The following SMARCAL1 variants were observed in gnomAD, a reference collection of about 807,000 sequenced individuals.
SMARCAL1 encodes the protein ATP-driven annealing helicase.
SMARCAL1 carries 58 observed loss-of-function variants against 94.5 expected under a neutral mutation model. The observed-to-expected ratio is 0.61, with a 90% CI of 0.50 to 0.76. The LOEUF (loss-of-function observed/expected upper bound fraction) is 0.76, where lower values mean the gene tolerates loss of function less well. Ranked by LOEUF, SMARCAL1 falls within the 30% of genes least tolerant of loss-of-function variation. The pLI, the probability that SMARCAL1 is intolerant of heterozygous loss-of-function variation, is 0.00. For synonymous variants in SMARCAL1, 422 were observed against 455.1 expected, an observed-to-expected ratio of 0.93 and a Z score of 0.93; for missense variants, 1,051 against 1,177.9, an observed-to-expected ratio of 0.89 and a Z score of 1.58.
rs528042666 is a variant in SMARCAL1, at chr2:216,449,759, C to T, written c.1852-1087C>T. ...GACAAAGTAGCAGGCACACTGGCTC[C>T]CTGATTTTCTACTAGACTGTAGAAA... is the stretch of plus-strand genomic sequence containing the variant. On this transcript the variant is annotated intron_variant, in intron 11 of 17. Transcript: ENST00000357276. Among the ~76,000 whole-genome samples, 6 of 152,200 alleles carry T rather than the reference C, an allele frequency of 3.9e-5. 1 individual carries two copies. Among genetic ancestry groups the T allele is most frequent in the African/African-American group, 1.2e-4 (5 of 41,536 alleles).
intron 3 of SMARCAL1, 22 bp downstream of exon 3, chr2:216,415,537 T>TG: frequency 2.0e-6 from 3 of 1,483,816 alleles, no homozygotes; most frequent in Non-Finnish European, 2.7e-6. Context: ...ATTTTTCAGC[T>TG]GTTTTTTTTT....
At position 216,423,679 on chromosome 2, in the gene SMARCAL1, A is replaced by G; in HGVS notation, c.1143A>G (p.Lys381=). The G allele has an allele frequency of 6.2e-7, 1 of 1,612,700 alleles. No homozygotes were observed. The highest frequency in any genetic ancestry group is 8.5e-7 in the Non-Finnish European group (1 of 1,178,676). ...KWSFLLEEHS[K]LIAKVRCLPQ... ...GCTTTCTCTTGGAAGAGCACAGTAAACTAAGTGAGAAGCCTTCCTTACTTG... is the reference window on the plus strand; with the variant it reads ...GCTTTCTCTTGGAAGAGCACAGTAAGCTAAGTGAGAAGCCTTCCTTACTTG... Residue 381 remains lysine, a synonymous_variant, in exon 6 of 18, where the codon AAA becomes AAG. Transcript: ENST00000357276.
intron 5 of SMARCAL1, 90 bp downstream of exon 5, chr2:216,420,622 A>G (rs965950465): frequency 4.1e-5 from 41 of 1,006,178 alleles, no homozygotes; most frequent in Middle Eastern, 4.1e-4. Flanking sequence ...AATATTCAAA[A>G]ATTACTTTCT....
intron 14 of SMARCAL1, among the ~76,000 whole-genome samples, chr2:216,473,549 T>C (rs1180150599): frequency 1.3e-5 from 2 of 152,118 alleles, no homozygotes; most frequent in Non-Finnish European, 2.9e-5. Flanking sequence ...ATGCTGTTGC[T>C]GCATAATGAC....
intron 12 of SMARCAL1, among the ~76,000 whole-genome samples, chr2:216,456,239 G>A (rs553574324): frequency 5.9e-5 from 9 of 152,276 alleles, no homozygotes; most frequent in South Asian, 4.1e-4. Flanking sequence ...TGAAAGTGAC[G>A]GGGAGAATGG....
chr2:216,482,425 T>G lies in SMARCAL1; in HGVS notation c.2626-313T>G, dbSNP rs1161221742. On this transcript the variant is annotated intron_variant, in intron 17 of 17. Transcript: ENST00000357276. The surrounding 1 kb of genome is among the most constrained non-coding windows in gnomAD (Gnocchi z 4.3). The stretch of plus-strand genomic sequence containing the variant: ...GCTATTTCAGTATTGAAATAATGAT[T>G]TGGAAAGTTCAAAGGGAGAAAACAT... 6.6e-6 allele frequency among the ~76,000 whole-genome samples: 1 copy of G among 152,240 alleles called. No homozygotes were observed. Among genetic ancestry groups the G allele is most frequent in the Non-Finnish European group, 1.5e-5 (1 of 68,044 alleles).
At position 216,415,495 on chromosome 2, in the gene SMARCAL1, C is replaced by G; in HGVS notation, c.791C>G (p.Thr264Ser). Residue 264 changes from threonine to serine, a missense_variant, in exon 3 of 18, where the codon ACC becomes AGC. By Grantham distance (58) the Thr-to-Ser change is moderately conservative. Transcript: ENST00000357276. Reference protein sequence around the residue: ...YNAELIAVFKTLPSKNYDPDT... With the variant: ...YNAELIAVFKSLPSKNYDPDT... ...GCGGAACTCATTGCAGTGTTTAAGA[C>G]CCTGCCCAGCAAGAATTATGGTAAT... 1 of 1,613,140 alleles carries G rather than the reference C, an allele frequency of 6.2e-7. No homozygotes were observed. Among genetic ancestry groups the G allele is most frequent in the Non-Finnish European group, 8.5e-7 (1 of 1,179,762 alleles).
chr2:216,459,794 A>T (rs111343794), intron 12 of SMARCAL1, among the ~76,000 whole-genome samples: 1 of 151,010 alleles, frequency 6.6e-6, no homozygotes. Flanking sequence ...TCATGTCTAA[A>T]ACACCAAAAG....
intron 12 of SMARCAL1, among the ~76,000 whole-genome samples, chr2:216,454,734 C>T (rs1694524341): frequency 6.6e-6 from 1 of 152,136 alleles, no homozygotes; most frequent in Non-Finnish European, 1.5e-5. Context: ...TCCAAGATGG[C>T]CGAATAGGAA....
intron 9 of SMARCAL1, among the ~76,000 whole-genome samples, chr2:216,436,061 C>T (rs781089611): frequency 1.3e-5 from 2 of 152,160 alleles, no homozygotes; most frequent in Non-Finnish European, 1.5e-5. Flanking sequence ...CTCTGCCTCC[C>T]GGGTTCAAGC....
chr2:216,435,467 C>G lies in SMARCAL1; in HGVS notation c.1615C>G (p.Leu539Val), dbSNP rs1179487623. The G allele has an allele frequency of 6.2e-7, 1 of 1,614,126 alleles. No individual in the cohort carries two copies. The highest frequency in any genetic ancestry group is 1.3e-5 in the African/African-American group (1 of 75,020). ...FDLLSKLEKQ[L>V]KTPFKVVIID... ...CCTTCTTAGCAAGTTGGAAAAACAG[C>G]TAAAAACCCCTTTTAAAGTTGTCAT... Residue 539 changes from leucine to valine, a missense_variant, in exon 9 of 18, where the codon CTA becomes GTA. Transcript: ENST00000357276.
chr2:216,477,543 G>A (rs1399928203), intron 16 of SMARCAL1, among the ~76,000 whole-genome samples: 1 of 152,172 alleles, frequency 6.6e-6, no homozygotes, highest in Non-Finnish European at 1.5e-5. Flanking sequence ...CAGCTGTGAA[G>A]GCATTTGTTA....
rs1384402545 is a variant in SMARCAL1 at position 216,428,783 on chromosome 2, G to A, written c.1334+1G>A. 1.2e-6 allele frequency: 2 copies of A among 1,613,818 alleles called. No homozygotes were observed. Among genetic ancestry groups the A allele is most frequent in the East Asian group, 2.2e-5 (1 of 44,886 alleles). On this transcript the variant is annotated splice_donor_variant, in intron 7 of 17. Coordinates refer to ENST00000357276, the MANE Select transcript of SMARCAL1 (RefSeq NM_014140.4). LOFTEE classifies it high-confidence loss of function. Reference sequence around the variant, plus strand: ...TGCCCTTTCAGAGAGCTGGAGTCAAGTAGGTTCTTGATCTTCCTCTCTCTT... The same window carrying A: ...TGCCCTTTCAGAGAGCTGGAGTCAAATAGGTTCTTGATCTTCCTCTCTCTT...
At position 216,420,491 on chromosome 2, in the gene SMARCAL1, A is replaced by G. The variant is rs769860795; in HGVS notation, c.1055A>G (p.Asp352Gly). The change falls in exon 5 of 18, where the codon GAC becomes GGC. Residue 352 changes from aspartate (D) to glycine (G), a missense_variant. Around this residue, in one of 3 missense-constraint regions of SMARCAL1, gnomAD observed 642 missense variants for 754.7 expected, o/e 0.85. Coordinates refer to ENST00000357276, the MANE Select transcript of SMARCAL1 (RefSeq NM_014140.4). Reference sequence around the variant, plus strand: ...GAGGCAGACATCAGTTATTCACAGGACCTTATTGCGCTTTTTAAACAGATG... The same window carrying G: ...GAGGCAGACATCAGTTATTCACAGGGCCTTATTGCGCTTTTTAAACAGATG... ...YFEADISYSQ[D>G]LIALFKQMDS... The G allele has an allele frequency of 1.2e-6, 2 of 1,614,080 alleles. No homozygotes were observed. Among genetic ancestry groups the G allele is most frequent in the Non-Finnish European group, 1.7e-6 (2 of 1,180,004 alleles).
Position 216,414,916 on chromosome 2 carries a change from T to G in SMARCAL1, c.212T>G (p.Phe71Cys). 1 of 1,614,226 alleles carries G rather than the reference T, an allele frequency of 6.2e-7. No individual in the cohort carries two copies. Among genetic ancestry groups the G allele is most frequent in the Non-Finnish European group, 8.5e-7 (1 of 1,180,046 alleles). The change falls in exon 3 of 18, where the codon TTC becomes TGC. Residue 71 changes from phenylalanine (F) to cysteine (C), a missense_variant. By Grantham distance (205) the Phe-to-Cys change is radical. This residue lies in a region of SMARCAL1 where 398 missense variants were observed against 395.2 expected (regional missense o/e 1.01). Transcript: ENST00000357276. ...SCKPVSHGVI[F>C]KQQNLSSSSN... Reference sequence around the variant, plus strand: ...AAGCCAGTGAGCCATGGTGTCATTTTCAAGCAACAGAATCTCAGTAGCTCA... The same window carrying G: ...AAGCCAGTGAGCCATGGTGTCATTTGCAAGCAACAGAATCTCAGTAGCTCA...
chr2:216,435,352 G>T lies in SMARCAL1; in HGVS notation c.1500G>T (p.Trp500Cys), dbSNP rs1694058553. The T allele has an allele frequency of 6.2e-7, 1 of 1,613,946 alleles. No individual in the cohort carries two copies. Among genetic ancestry groups the T allele is most frequent in the Non-Finnish European group, 8.5e-7 (1 of 1,180,004 alleles). Residue 500 changes from tryptophan (W) to cysteine (C), a missense_variant, in exon 9 of 18, where the codon TGG becomes TGT. This residue lies in a region of SMARCAL1 where 642 missense variants were observed against 754.7 expected (regional missense o/e 0.85). Coordinates refer to ENST00000357276, the MANE Select transcript of SMARCAL1 (RefSeq NM_014140.4). The stretch of plus-strand genomic sequence containing the variant: ...GTCATCCACAGGCCTTCCTTCGGTG[G>T]CTGCCATCTCTGAGCCCAGATTGCA... ...RFTWEQAFLR[W>C]LPSLSPDCIN...
chr2:216,471,654 C>T (rs1424721745), intron 14 of SMARCAL1, among the ~76,000 whole-genome samples: 2 of 152,168 alleles, frequency 1.3e-5, no homozygotes, highest in African/African-American at 4.8e-5. Context: ...ATGCCCAGCC[C>T]ACAGTGGCTA....
Position 216,477,190 on chromosome 2 carries a change from A to T in SMARCAL1, c.2509A>T (p.Thr837Ser). 1.3e-6 allele frequency: 2 copies of T among 1,596,108 alleles called. No individual in the cohort carries two copies. The highest frequency in any genetic ancestry group is 1.7e-6 in the Non-Finnish European group (2 of 1,171,170). The change falls in exon 16 of 18, where the codon ACA (threonine) becomes TCA (serine). Residue 837 changes from threonine to serine, a missense_variant. Thr to Ser is a moderately conservative substitution (Grantham distance 58). Around this residue, in one of 3 missense-constraint regions of SMARCAL1, gnomAD observed 642 missense variants for 754.7 expected, o/e 0.85. Coordinates refer to ENST00000357276, the MANE Select transcript of SMARCAL1 (RefSeq NM_014140.4). ...CATTCACTACCTCGTGGCAAAGGGC[A>T]CAGCTGATGACTACCTTTGGTATGG... ...VGIHYLVAKG[T>S]ADDYLWPLIQ... is the part of the protein sequence containing the mutation.
At chr2:216,428,894 G>A in intron 7 of SMARCAL1, 112 bp downstream of exon 7, 1 of 995,158 alleles carries the variant, frequency 1.0e-6, no homozygotes, top group Non-Finnish European at 1.6e-6. Context: ...ATGGATAGAT[G>A]AAAATTTAGA....
Sources: allele counts gnomAD v4.1 joint callset (sites outside exome capture counted in the v4.1 genomes callset), GRCh38; gene constraint gnomAD v4.1.1; regional missense constraint gnomAD v4.1.1; non-coding constraint Gnocchi (gnomAD v3.1); transcripts MANE v1.5; gene names NCBI Gene and HGNC (gene_info 2026-07-23, HGNC 2026-07-21).